The following NPNT variants were observed in gnomAD, a reference collection of about 807,000 sequenced individuals.
NPNT encodes preosteoblast EGF-like repeat protein with MAM domain.
NPNT carries 45 observed loss-of-function variants against 68.6 expected under a neutral mutation model. That is an observed-to-expected ratio of 0.66 (90% CI 0.52 to 0.84). The LOEUF is 0.84. NPNT is among the 40% of genes least tolerant of loss of function. The probability of loss-of-function intolerance (pLI) is 0.00; values close to 1 mark genes in which losing one functional copy is unlikely to be tolerated. For synonymous variants in NPNT, 233 were observed against 253.3 expected, an observed-to-expected ratio of 0.92 and a Z score of 0.76; for missense variants, 672 against 714.8, an observed-to-expected ratio of 0.94 and a Z score of 0.68.
intron 2 of NPNT, chr4:105,912,156 G>A (rs760766069): frequency 5.4e-6 from 8 of 1,489,446 alleles, no homozygotes; most frequent in Admixed American, 3.9e-5. Flanking sequence ...GAAAAGATCT[G>A]GAATTTCTTT....
At chr4:105,927,130 C>A in intron 2 of NPNT, 1 of 328,056 alleles carries the variant, frequency 3.0e-6, no homozygotes, top group Non-Finnish European at 5.6e-6. Flanking sequence ...TCAGCCCCAA[C>A]TGATACACAC....
chr4:105,918,973 G>A (rs796997354), intron 2 of NPNT, among the ~76,000 whole-genome samples: 28 of 152,214 alleles, frequency 1.8e-4, no homozygotes, highest in African/African-American at 6.5e-4. Flanking sequence ...TAGGTAATCT[G>A]TATAGGTTGC....
chr4:105,928,626 AAAAAG>A (rs1476732512), intron 3 of NPNT, among the ~76,000 whole-genome samples: 6 of 151,742 alleles, frequency 4.0e-5, no homozygotes, highest in Admixed American at 1.3e-4. Flanking sequence ...AAAAAAAAAA[AAAAAG>A]AAAAAAAAAT....
intron 10 of NPNT, among the ~76,000 whole-genome samples, chr4:105,963,625 C>T (rs923244367): frequency 3.3e-5 from 5 of 151,766 alleles, no homozygotes; most frequent in African/African-American, 1.2e-4. Flanking sequence ...ACACCCTTCT[C>T]CTGTGTGTGT....
intron 2 of NPNT, among the ~76,000 whole-genome samples, chr4:105,919,607 C>T (rs1338061673): frequency 6.6e-6 from 1 of 151,988 alleles, no homozygotes; most frequent in Non-Finnish European, 1.5e-5. Flanking sequence ...ATTTGCTTCT[C>T]GACAATGATA....
chr4:105,926,676 A>C (rs767411816), intron 2 of NPNT, among the ~76,000 whole-genome samples: 4 of 152,224 alleles, frequency 2.6e-5, no homozygotes, highest in Non-Finnish European at 4.4e-5. Flanking sequence ...AGTGGAACTC[A>C]GTTGATGGAA....
At chr4:105,947,306 T>C (rs763571575) in intron 8 of NPNT, among the ~76,000 whole-genome samples, 2 of 152,168 alleles carry the variant, frequency 1.3e-5, no homozygotes, top group Admixed American at 6.6e-5. Flanking sequence ...AACACAATTA[T>C]AGTGGTCCTG....
chr4:105,948,053 C>T (rs1730525210), intron 8 of NPNT, among the ~76,000 whole-genome samples: 1 of 152,036 alleles, frequency 6.6e-6, no homozygotes, highest in African/African-American at 2.4e-5. Context: ...GCTTAACTAG[C>T]TAAATTTTAC....
intron 8 of NPNT, among the ~76,000 whole-genome samples, chr4:105,943,628 G>A (rs1209616964): frequency 1.3e-5 from 2 of 152,158 alleles, no homozygotes; most frequent in Admixed American, 6.6e-5. Context: ...AAATTTGCAT[G>A]TTATAACTTT....
At chr4:105,919,876 C>A (rs755734481) in intron 2 of NPNT, among the ~76,000 whole-genome samples, 4 of 151,884 alleles carry the variant, frequency 2.6e-5, no homozygotes, top group African/African-American at 4.8e-5. Flanking sequence ...TAGTAAGTAA[C>A]CTGTGGGGTA....
chr4:105,937,724 G>T (rs1478506768), intron 4 of NPNT, among the ~76,000 whole-genome samples: 1 of 152,120 alleles, frequency 6.6e-6, no homozygotes, highest in African/African-American at 2.4e-5. Flanking sequence ...CCATCATTTG[G>T]ATGTAAAAAA....
At position 105,940,591 on chromosome 4, in the gene NPNT, T is replaced by G; in HGVS notation, c.718T>G (p.Cys240Gly). The change falls in exon 7 of 12, where the codon TGC (cysteine) becomes GGC (glycine). Residue 240 changes from cysteine to glycine, a missense_variant. Coordinates refer to ENST00000379987, the MANE Select transcript of NPNT (RefSeq NM_001033047.3). Reference sequence around the variant, plus strand: ...TTATAACATACGTGGGTCCTACAAGTGCAAATGTAAAGAAGGATACCAGGG... The same window carrying G: ...TTATAACATACGTGGGTCCTACAAGGGCAAATGTAAAGAAGGATACCAGGG... ...RCYNIRGSYK[C>G]KCKEGYQGDG... 6.2e-7 allele frequency: 1 copy of G among 1,613,360 alleles called. No individual in the cohort carries two copies.
At chr4:105,900,862 T>C (rs1726357235) in intron 2 of NPNT, among the ~76,000 whole-genome samples, 1 of 151,506 alleles carries the variant, frequency 6.6e-6, no homozygotes, top group African/African-American at 2.4e-5. Context: ...TTTGATTCTT[T>C]GTTTTGTGTT....
At chr4:105,935,534 C>T (rs563574292) in intron 3 of NPNT, among the ~76,000 whole-genome samples, 114 of 152,148 alleles carry the variant, frequency 7.5e-4, no homozygotes, top group Non-Finnish European at 1.3e-3. Flanking sequence ...ATTTTTGATA[C>T]TGTAATCTGC....
intron 3 of NPNT, chr4:105,929,563 A>G (rs993928864): frequency 2.0e-5 from 3 of 152,216 alleles, no homozygotes; most frequent in African/African-American, 2.4e-5. Context: ...CTTCCCCAGC[A>G]TAAGTTTGCA....
At position 105,966,802 on chromosome 4, in the gene NPNT, A is replaced by C. The variant is rs1732180130; in HGVS notation, c.1346-386A>C. On this transcript the variant is annotated intron_variant, in intron 10 of 11. Transcript: ENST00000379987. Reference sequence around the variant, plus strand: ...CTAGAAATTTAGGGTCAGTTTTACCAAACCACCAAGCCAGATCGCCAGGGG... The same window carrying C: ...CTAGAAATTTAGGGTCAGTTTTACCCAACCACCAAGCCAGATCGCCAGGGG... Among the ~76,000 whole-genome samples, 3 of 152,280 alleles carry C rather than the reference A, an allele frequency of 2.0e-5. No individual in the cohort carries two copies. In the South Asian group the frequency reaches 6.2e-4, roughly 32 times the overall value.
intron 8 of NPNT, among the ~76,000 whole-genome samples, chr4:105,947,635 T>A (rs2149385059): frequency 6.6e-6 from 1 of 152,308 alleles, no homozygotes; most frequent in Non-Finnish European, 1.5e-5. Flanking sequence ...CCATACTCCA[T>A]GTACTCAAAG....
intron 2 of NPNT, among the ~76,000 whole-genome samples, chr4:105,918,565 T>G (rs2149342218): frequency 6.6e-6 from 1 of 152,306 alleles, no homozygotes; most frequent in Non-Finnish European, 1.5e-5. Context: ...ACTACATCTT[T>G]TCCAAACCTT....
intron 8 of NPNT, among the ~76,000 whole-genome samples, chr4:105,949,658 G>A (rs569504168): frequency 1.0e-3 from 152 of 152,234 alleles, no homozygotes; most frequent in African/African-American, 3.5e-3. Context: ...CCAAAGTAAA[G>A]GAAGTTAGGG....
Sources: gnomAD v4.1 joint callset for allele counts (sites outside exome capture counted in the v4.1 genomes callset) on GRCh38, gnomAD v4.1.1 for gene constraint, MANE v1.5 for transcripts, NCBI Gene and HGNC (gene_info 2026-07-23, HGNC 2026-07-21) for gene names.